The following PTPRT variants were observed in gnomAD, a reference collection of about 807,000 sequenced individuals.
PTPRT encodes protein tyrosine phosphatase receptor type T, also known as receptor-type tyrosine-protein phosphatase T.
In PTPRT, 56 loss-of-function variants were observed where a neutral mutation model predicts 176.8. That is an observed-to-expected ratio of 0.32 (90% CI 0.26 to 0.40). The LOEUF (loss-of-function observed/expected upper bound fraction) is 0.40, where lower values mean the gene tolerates loss of function less well. Among genes scored for constraint, PTPRT ranks in the 10% least tolerant of loss-of-function variants. PTPRT has a pLI of 1.00. For synonymous variants in PTPRT, 783 were observed against 739.0 expected, an observed-to-expected ratio of 1.06 and a Z score of -0.96; for missense variants, 1,540 against 1,908.2, an observed-to-expected ratio of 0.81 and a Z score of 3.60.
chr20:42,335,424 G>C (rs184244542), intron 11 of PTPRT, among the ~76,000 whole-genome samples: 59 of 144,322 alleles, frequency 4.1e-4, no homozygotes, highest in African/African-American at 1.3e-3. Context: ...CAACATGAAA[G>C]AGAGCAGTGA....
intron 7 of PTPRT, among the ~76,000 whole-genome samples, chr20:42,487,362 C>A (rs1270679835): frequency 6.6e-6 from 1 of 152,150 alleles, no homozygotes; most frequent in Non-Finnish European, 1.5e-5. Context: ...CACATCCCTG[C>A]ACACACACCC....
chr20:42,563,646 A>G (rs1021456943), intron 7 of PTPRT, among the ~76,000 whole-genome samples: 9 of 152,224 alleles, frequency 5.9e-5, no homozygotes, highest in Non-Finnish European at 1.2e-4. Context: ...ACATACATAT[A>G]ATGGAATTAT....
chr20:42,827,158 T>A (rs1170135905), intron 2 of PTPRT, among the ~76,000 whole-genome samples: 1 of 151,946 alleles, frequency 6.6e-6, no homozygotes, highest in Non-Finnish European at 1.5e-5. Context: ...AGGTAGAAAA[T>A]TAACAAAATT....
At chr20:43,063,992 A>ATT (rs1215545200) in intron 1 of PTPRT, among the ~76,000 whole-genome samples, 2 of 151,938 alleles carry the variant, frequency 1.3e-5, no homozygotes, top group African/African-American at 2.4e-5. Flanking sequence ...CTTTCCTTAT[A>ATT]TTTACCCGTG....
At chr20:42,570,727 GAGA>G (rs546530726) in intron 7 of PTPRT, among the ~76,000 whole-genome samples, 32 of 152,236 alleles carry the variant, frequency 2.1e-4, no homozygotes, top group African/African-American at 6.7e-4. Flanking sequence ...GAAGAGGAGA[GAGA>G]AGATTTCCCC....
chr20:42,615,189 T>G (rs1347242061), intron 7 of PTPRT, among the ~76,000 whole-genome samples: 1 of 132,008 alleles, frequency 7.6e-6, no homozygotes. Flanking sequence ...ATGCGGTGTT[T>G]GGTTTTTTGT....
At chr20:42,643,739 A>G (rs2074819470) in intron 7 of PTPRT, among the ~76,000 whole-genome samples, 1 of 152,012 alleles carries the variant, frequency 6.6e-6, no homozygotes, top group South Asian at 2.1e-4. Context: ...CGCCACAACC[A>G]CTATGCATTG....
intron 7 of PTPRT, among the ~76,000 whole-genome samples, chr20:42,675,434 T>G (rs2075485882): frequency 6.6e-6 from 1 of 152,236 alleles, no homozygotes; most frequent in Non-Finnish European, 1.5e-5. Context: ...TAAATAATGT[T>G]GTGCATGAAC....
chr20:42,641,226 T>C (rs1297470884), intron 7 of PTPRT, among the ~76,000 whole-genome samples: 1 of 152,168 alleles, frequency 6.6e-6, no homozygotes, highest in Non-Finnish European at 1.5e-5. Context: ...TTTAAGACCT[T>C]TCATACACAT....
intron 2 of PTPRT, among the ~76,000 whole-genome samples, chr20:42,856,981 T>C (rs2078574806): frequency 6.6e-6 from 1 of 152,150 alleles, no homozygotes; most frequent in South Asian, 2.1e-4. Context: ...CAAATCTGAG[T>C]ACATGCCTTC....
At chr20:42,043,982 A>G in the PTPRT span, among the ~76,000 whole-genome samples, 4 of 152,310 alleles carry the variant, frequency 2.6e-5, no homozygotes, top group East Asian at 7.7e-4. Flanking sequence ...AGTAAAAATG[A>G]TTTGTAATCT....
At chr20:43,164,477 T>C (rs764191874) in intron 1 of PTPRT, among the ~76,000 whole-genome samples, 1 of 151,868 alleles carries the variant, frequency 6.6e-6, no homozygotes, top group African/African-American at 2.4e-5. Flanking sequence ...GGACAGAAAG[T>C]GAAGGAAAGA....
chr20:42,157,175 C>A (rs1449187890), intron 17 of PTPRT, among the ~76,000 whole-genome samples: 1 of 152,122 alleles, frequency 6.6e-6, no homozygotes, highest in Non-Finnish European at 1.5e-5. Context: ...ATATCTTCCA[C>A]CATGTCTATA....
chr20:42,066,450 G>GTT, the PTPRT span, among the ~76,000 whole-genome samples: 14 of 151,982 alleles, frequency 9.2e-5, no homozygotes, highest in South Asian at 4.2e-4. Context: ...GGTTGTAGGG[G>GTT]TTTTTTTGGT....
chr20:42,572,771 C>G (rs2073179386), intron 7 of PTPRT, among the ~76,000 whole-genome samples: 1 of 152,170 alleles, frequency 6.6e-6, no homozygotes, highest in African/African-American at 2.4e-5. Context: ...TGAACTTTCA[C>G]AAACTGAACA....
chr20:42,221,138 A>G (rs1446401724), intron 15 of PTPRT, among the ~76,000 whole-genome samples: 1 of 151,824 alleles, frequency 6.6e-6, no homozygotes, highest in Middle Eastern at 3.2e-3. Flanking sequence ...CGAGTAGCTG[A>G]AATTACAGGC....
intron 1 of PTPRT, among the ~76,000 whole-genome samples, chr20:42,926,991 C>G (rs1010628565): frequency 7.9e-5 from 12 of 152,206 alleles, no homozygotes; most frequent in African/African-American, 2.9e-4. Flanking sequence ...CACACACACA[C>G]TCATTCAAGA....
intron 1 of PTPRT, among the ~76,000 whole-genome samples, chr20:43,084,873 C>T (rs1162621533): frequency 1.3e-5 from 2 of 152,096 alleles, no homozygotes; most frequent in Non-Finnish European, 2.9e-5. Context: ...TTTCTTCTTT[C>T]TACCTTTCTG....
intron 1 of PTPRT, among the ~76,000 whole-genome samples, chr20:43,060,020 T>C (rs1302987351): frequency 6.6e-6 from 1 of 152,088 alleles, no homozygotes; most frequent in African/African-American, 2.4e-5. Context: ...ATTATTTTAT[T>C]TTTGTTATTA....
Sources: gnomAD v4.1 joint callset for allele counts (sites outside exome capture counted in the v4.1 genomes callset) on GRCh38, gnomAD v4.1.1 for gene constraint, MANE v1.5 for transcripts, NCBI Gene and HGNC (gene_info 2026-07-23, HGNC 2026-07-21) for gene names.